NECAB1: variants seen among roughly 807,000 people sequenced by gnomAD.
The protein encoded by NECAB1 is N-terminal EF-hand calcium binding protein 1, also known as N-terminal EF-hand calcium-binding protein 1.
Under a neutral mutation model 57.5 loss-of-function variants are expected in NECAB1, and 29 were observed. That is an observed-to-expected ratio of 0.50 (90% CI 0.38 to 0.69). The LOEUF is 0.69. Ranked by LOEUF, NECAB1 falls within the 30% of genes least tolerant of loss-of-function variation. The probability of loss-of-function intolerance (pLI) is 0.00; values close to 1 mark genes in which losing one functional copy is unlikely to be tolerated. For synonymous variants in NECAB1, 142 were observed against 147.7 expected, an observed-to-expected ratio of 0.96 and a Z score of 0.28; for missense variants, 372 against 413.8, an observed-to-expected ratio of 0.90 and a Z score of 0.88.
chr8:90,922,540 T>C (rs1437232134), intron 6 of NECAB1, among the ~76,000 whole-genome samples: 1 of 131,306 alleles, frequency 7.6e-6, no homozygotes, highest in Non-Finnish European at 1.5e-5. Context: ...TAGCCCACGA[T>C]GGAGTGCAGG....
chr8:90,922,634 A>G (rs931652903), intron 6 of NECAB1, among the ~76,000 whole-genome samples: 1 of 151,778 alleles, frequency 6.6e-6, no homozygotes, highest in Non-Finnish European at 1.5e-5. Flanking sequence ...CTGGGATTAC[A>G]GGCGCCTGCC....
At chr8:90,941,000 T>G (rs993037598) in intron 10 of NECAB1, 102 bp downstream of exon 10, 2 of 818,932 alleles carry the variant, frequency 2.4e-6, no homozygotes, top group African/African-American at 3.4e-5. Context: ...AGACAGATAT[T>G]TGAGAATCCT....
intron 2 of NECAB1, among the ~76,000 whole-genome samples, chr8:90,807,425 A>T (rs964832471): frequency 6.6e-6 from 1 of 152,208 alleles, no homozygotes; most frequent in African/African-American, 2.4e-5. Flanking sequence ...TTCGGTACGT[A>T]TGAGTATTTC....
At chr8:90,876,562 T>A (rs1310207471) in intron 4 of NECAB1, among the ~76,000 whole-genome samples, 1 of 152,014 alleles carries the variant, frequency 6.6e-6, no homozygotes, top group African/African-American at 2.4e-5. Context: ...ACCTGAAAAC[T>A]CAACAACTTG....
intron 3 of NECAB1, among the ~76,000 whole-genome samples, chr8:90,851,812 T>G (rs1812689136): frequency 1.3e-5 from 2 of 152,154 alleles, no homozygotes; most frequent in African/African-American, 2.4e-5. Context: ...ACATTAGAGC[T>G]TACTCTTCAT....
intron 5 of NECAB1, chr8:90,903,813 A>G (rs1261882511): frequency 6.6e-6 from 1 of 152,236 alleles, no homozygotes; most frequent in African/African-American, 2.4e-5. Flanking sequence ...AAGAGGGAAC[A>G]CAAAGAAATA....
intron 5 of NECAB1, among the ~76,000 whole-genome samples, chr8:90,904,266 A>C (rs201392700): frequency 2.5e-5 from 1 of 39,858 alleles, no homozygotes; most frequent in East Asian, 4.3e-3. Flanking sequence ...TACTGAAAGC[A>C]AAAAAAAAAA....
intron 3 of NECAB1, among the ~76,000 whole-genome samples, chr8:90,850,315 C>A (rs1812659746): frequency 6.6e-6 from 1 of 152,150 alleles, no homozygotes; most frequent in African/African-American, 2.4e-5. Flanking sequence ...GATAGTAATG[C>A]CCCTTGATCA....
chr8:90,793,686 G>A (rs1456174621), intron 1 of NECAB1, among the ~76,000 whole-genome samples: 2 of 152,092 alleles, frequency 1.3e-5, no homozygotes, highest in Non-Finnish European at 2.9e-5. Flanking sequence ...GATTCAAAGG[G>A]GACAAGTGGG....
chr8:90,861,520 C>G (rs559685195), intron 3 of NECAB1, among the ~76,000 whole-genome samples: 2 of 152,080 alleles, frequency 1.3e-5, no homozygotes, highest in African/African-American at 4.8e-5. Flanking sequence ...GTAATCAATT[C>G]CATATGGTTA....
rs182348142 is a variant in NECAB1, at chr8:90,842,330, A to G, written c.233+17505A>G. ...CTTTGGGCTTGAAGTTGTATACACTACAAATCTATATGCCTAACGAAGAGA... is the reference window on the plus strand; with the variant it reads ...CTTTGGGCTTGAAGTTGTATACACTGCAAATCTATATGCCTAACGAAGAGA... On this transcript the variant is annotated intron_variant, in intron 3 of 12. Transcript: ENST00000417640. 2.6e-5 allele frequency among the ~76,000 whole-genome samples: 4 copies of G among 152,320 alleles called. No individual in the cohort carries two copies. In the East Asian group the frequency reaches 7.7e-4, roughly 29 times the overall value.
chr8:90,808,998 G>T (rs930720299), intron 2 of NECAB1, among the ~76,000 whole-genome samples: 1 of 152,038 alleles, frequency 6.6e-6, no homozygotes, highest in South Asian at 2.1e-4. Context: ...ACAATGTCCT[G>T]GTGCTGAATT....
chr8:90,855,973 G>A (rs1048616700), intron 3 of NECAB1, among the ~76,000 whole-genome samples: 42 of 152,078 alleles, frequency 2.8e-4, no homozygotes, highest in African/African-American at 9.7e-4. Context: ...TTGGGGGTAG[G>A]TAAAATCTTC....
At chr8:90,801,049 G>A (rs776517271) in intron 1 of NECAB1, among the ~76,000 whole-genome samples, 4 of 152,012 alleles carry the variant, frequency 2.6e-5, no homozygotes, top group Non-Finnish European at 5.9e-5. Context: ...ATAGACATGT[G>A]GTTACTCTTT....
intron 2 of NECAB1, among the ~76,000 whole-genome samples, chr8:90,802,486 T>C (rs974474296): frequency 3.9e-5 from 6 of 152,216 alleles, no homozygotes; most frequent in Non-Finnish European, 7.3e-5. Flanking sequence ...TGCTATATTA[T>C]AAGTACCATG....
chr8:90,799,094 T>C (rs1456584982), intron 1 of NECAB1, among the ~76,000 whole-genome samples: 1 of 152,196 alleles, frequency 6.6e-6, no homozygotes, highest in Non-Finnish European at 1.5e-5. Context: ...TGGCCACTTG[T>C]ATGTCTTCTT....
intron 9 of NECAB1, among the ~76,000 whole-genome samples, chr8:90,937,721 G>T (rs1171922995): frequency 2.0e-5 from 3 of 152,094 alleles, no homozygotes; most frequent in Non-Finnish European, 4.4e-5. Context: ...GCACATTCTT[G>T]TGCTTTTCAA....
In NECAB1 at chr8:90,955,525, A is replaced by C; in HGVS notation, c.*13A>C. 6.5e-7 allele frequency: 1 copy of C among 1,549,838 alleles called. No individual in the cohort carries two copies. The highest frequency in any genetic ancestry group is 8.7e-7 in the Non-Finnish European group (1 of 1,144,948). On this transcript the variant is annotated 3_prime_UTR_variant, in exon 13 of 13. Transcript: ENST00000417640. ...CCTGAACAACTAGATGTTCCTAGAC[A>C]TTTTCTTTATGGTTCCAAGTGCAAA...
At chr8:90,864,402 A>G (rs1808470374) in intron 3 of NECAB1, among the ~76,000 whole-genome samples, 1 of 152,018 alleles carries the variant, frequency 6.6e-6, no homozygotes, top group African/African-American at 2.4e-5. Context: ...TAAACTACTC[A>G]GCAACAAACA....
Sources: allele counts gnomAD v4.1 joint callset (sites outside exome capture counted in the v4.1 genomes callset), GRCh38; gene constraint gnomAD v4.1.1; transcripts MANE v1.5; gene names NCBI Gene and HGNC (gene_info 2026-07-23, HGNC 2026-07-21).